SSTR5: variants seen among roughly 807,000 people sequenced by gnomAD.
SSTR5 encodes somatostatin receptor 5.
Under a neutral mutation model 0.3 loss-of-function variants are expected in SSTR5, and 1 was observed. The observed-to-expected ratio is 2.98, with a 90% CI of 1.06 to 14.15. SSTR5 has a LOEUF of 14.15. SSTR5 is among the 30% of genes most tolerant of loss of function. The pLI is 0.12. For synonymous variants in SSTR5, 256 were observed against 263.1 expected (o/e 0.97, Z 0.26); for missense variants, 516 against 543.2 (o/e 0.95, Z 0.50).
intron 1 of SSTR5, among the ~76,000 whole-genome samples, chr16:1,074,992 G>C (rs1424388016): frequency 6.6e-6 from 1 of 152,200 alleles, no homozygotes; most frequent in Non-Finnish European, 1.5e-5. Context: ...GCCATGTCAG[G>C]CTGAGCAGAT....
rs569923357 is a variant in SSTR5 at position 1,080,148 on chromosome 16, C to G, written c.*185C>G. 1 of 817,528 alleles carries G rather than the reference C, an allele frequency of 1.2e-6. No individual in the cohort carries two copies. The highest frequency in any genetic ancestry group is 2.8e-5 in the East Asian group (1 of 35,834). 50.6% of individuals were successfully genotyped at this position (817,528 alleles called of 1,614,324 possible). On this transcript the variant is annotated 3_prime_UTR_variant, in exon 2 of 2. Coordinates refer to ENST00000689027, the MANE Select transcript of SSTR5 (RefSeq NM_001172560.3). ...TCCCCACCGTGACCGACCATCCCCT[C>G]TAACCGTCTGCCACACAGCGGGGGC...
rs563370167 is a variant in SSTR5, at chr16:1,080,943, G to A, written c.*980G>A. ...GCTCTGGCCCGGGAGAGGGAACGGG[G>A]ACAGGAGCAGAGGACGGTCATCCAG... On this transcript the variant is annotated 3_prime_UTR_variant, in exon 2 of 2. Coordinates refer to ENST00000689027, the MANE Select transcript of SSTR5 (RefSeq NM_001172560.3). 6.0e-5 allele frequency: 26 copies of A among 431,230 alleles called. No homozygotes were observed. Among genetic ancestry groups the A allele is most frequent in the African/African-American group, 4.9e-4 (24 of 48,904 alleles). The allele number at this position is 431,230 out of a possible 1,614,324, so 26.7% of individuals were successfully genotyped here.
chr16:1,079,735 G>T lies in SSTR5; in HGVS notation c.867G>T (p.Val289=). Reference sequence around the variant, plus strand: ...CCTCCGCCGGCCTCTACTTCTTCGTGGTCATCCTCTCCTACGCCAACAGCT... The same window carrying T: ...CCTCCGCCGGCCTCTACTTCTTCGTTGTCATCCTCTCCTACGCCAACAGCT... ...EPASAGLYFF[V]VILSYANSCA... The change falls in exon 2 of 2, where the codon GTG becomes GTT. Residue 289 remains valine (V), a synonymous_variant. Coordinates refer to ENST00000689027, the MANE Select transcript of SSTR5 (RefSeq NM_001172560.3). 3 of 1,612,212 alleles carry T rather than the reference G, an allele frequency of 1.9e-6. No homozygotes were observed. Among genetic ancestry groups the T allele is most frequent in the Non-Finnish European group, 2.5e-6 (3 of 1,179,934 alleles).
rs1960353457 is a variant in SSTR5, at chr16:1,080,660, G to A, written c.*697G>A. ...AGGGGAGTGTGGGGGCTTGGGCGCTGGCCTAGCCAGGGGCGAGGTGGGGAG... is the reference window on the plus strand; with the variant it reads ...AGGGGAGTGTGGGGGCTTGGGCGCTAGCCTAGCCAGGGGCGAGGTGGGGAG... On this transcript the variant is annotated 3_prime_UTR_variant, in exon 2 of 2. Coordinates refer to ENST00000689027, the MANE Select transcript of SSTR5 (RefSeq NM_001172560.3). 6.6e-6 allele frequency among the ~76,000 whole-genome samples: 1 copy of A among 152,224 alleles called. No individual in the cohort carries two copies. The highest frequency in any genetic ancestry group is 1.5e-5 in the Non-Finnish European group (1 of 68,026).
At chr16:1,077,183 G>A (rs988624628) in intron 1 of SSTR5, among the ~76,000 whole-genome samples, 1 of 152,168 alleles carries the variant, frequency 6.6e-6, no homozygotes, top group Admixed American at 6.5e-5. Context: ...GTCGTCCTGT[G>A]CTCTGAGGTG....
chr16:1,076,230 A>G (rs1321622015), intron 1 of SSTR5, among the ~76,000 whole-genome samples: 1 of 212 alleles, frequency 4.7e-3, no homozygotes, highest in Non-Finnish European at 7.5e-3. Context: ...CCCATACCCT[A>G]TCTTTCTCTC....
chr16:1,077,785 G>T (rs918160912), intron 1 of SSTR5: 1 of 152,154 alleles, frequency 6.6e-6, no homozygotes, highest in Non-Finnish European at 1.5e-5. Flanking sequence ...AATATACGAG[G>T]TACACACGTG....
rs141754056 is a variant in SSTR5, at chr16:1,079,606, G to A, written c.738G>A (p.Val246=). ...TGCGGCGGCGCTCGGAGCGGAAGGT[G>A]ACGCGCATGGTGTTGGTGGTGGTGC... is the stretch of plus-strand genomic sequence containing the variant. ...GCVRRRSERK[V]TRMVLVVVLV... Residue 246 remains valine, a synonymous_variant, in exon 2 of 2, where the codon GTG becomes GTA. Transcript: ENST00000689027. The A allele has an allele frequency of 2.5e-6, 4 of 1,611,504 alleles. No individual in the cohort carries two copies. In the African/African-American group the frequency reaches 5.3e-5, roughly 22 times the overall value.
rs1002519548 is a variant in SSTR5 at position 1,081,297 on chromosome 16, G to A, written c.*1334G>A. The stretch of plus-strand genomic sequence containing the variant: ...GTGCTCCCGCCGTCTGCCCAGAGCA[G>A]GACCTCAACCTCCTGGAGGGCACAG... On this transcript the variant is annotated 3_prime_UTR_variant, in exon 2 of 2. Coordinates refer to ENST00000689027, the MANE Select transcript of SSTR5 (RefSeq NM_001172560.3). The A allele has an allele frequency of 1.1e-5, 4 of 362,446 alleles. No homozygotes were observed. Among genetic ancestry groups the A allele is most frequent in the Non-Finnish European group, 2.3e-5 (4 of 174,396 alleles). 22.5% of individuals were successfully genotyped at this position (362,446 alleles called of 1,614,324 possible). A position where few individuals can be genotyped will look rare whatever the true frequency, so the allele number is the denominator to read the frequency against.
rs1960288093 is a variant in SSTR5 at position 1,079,165 on chromosome 16, G to A, written c.297G>A (p.Gln99=). 1 of 1,612,638 alleles carries A rather than the reference G, an allele frequency of 6.2e-7. No homozygotes were observed. Among genetic ancestry groups the A allele is most frequent in the South Asian group, 1.1e-5 (1 of 91,082 alleles). ...TGGGGCTGCCTTTCCTGGCCACGCA[G>A]AACGCCGCGTCCTTCTGGCCCTTCG... The part of the protein sequence containing the change: ...YMLGLPFLAT[Q]NAASFWPFGP... The change falls in exon 2 of 2, where the codon CAG becomes CAA. Residue 99 remains glutamine (Q), a synonymous_variant. Transcript: ENST00000689027.
At chr16:1,077,255 T>A (rs1455390905) in intron 1 of SSTR5, among the ~76,000 whole-genome samples, 1 of 151,972 alleles carries the variant, frequency 6.6e-6, no homozygotes, top group East Asian at 1.9e-4. Flanking sequence ...CATGCTGAGG[T>A]CACCACAGCC....
chr16:1,078,460 G>C (rs1960261079), intron 1 of SSTR5: 2 of 216,688 alleles, frequency 9.2e-6, no homozygotes, highest in Admixed American at 1.0e-4. Context: ...CTCCTTACCT[G>C]GTAGACGAGG....
rs1960348761 is a variant in SSTR5, at chr16:1,080,520, G to T, written c.*557G>T. ...GTGGACTCTGGGGATGCAGGTGTAA[G>T]GGGAGTGTGGCTGGGCAGCCCCTGG... On this transcript the variant is annotated 3_prime_UTR_variant, in exon 2 of 2. Transcript: ENST00000689027. Among the ~76,000 whole-genome samples, 1 of 152,250 alleles carries T rather than the reference G, an allele frequency of 6.6e-6. No homozygotes were observed.
intron 1 of SSTR5, among the ~76,000 whole-genome samples, chr16:1,074,884 G>C (rs557553769): frequency 2.6e-4 from 40 of 152,336 alleles, no homozygotes; most frequent in African/African-American, 7.9e-4. Flanking sequence ...GTTTGCAGGA[G>C]TTGCCTATCC....
chr16:1,079,803 G>T lies in SSTR5; in HGVS notation c.935G>T (p.Arg312Leu), dbSNP rs202016166. 2.5e-6 allele frequency: 4 copies of T among 1,612,228 alleles called. No homozygotes were observed. Among genetic ancestry groups the T allele is most frequent in the East Asian group, 2.2e-5 (1 of 44,878 alleles). The change falls in exon 2 of 2, where the codon CGC becomes CTC. Residue 312 changes from arginine (R) to leucine (L), a missense_variant. Arg to Leu is a moderately radical substitution (Grantham distance 102, BLOSUM62 -2). Coordinates refer to ENST00000689027, the MANE Select transcript of SSTR5 (RefSeq NM_001172560.3). ...VLYGFLSDNF[R>L]QSFQKVLCLR... ...TACGGCTTCCTCTCTGACAACTTCCGCCAGAGCTTCCAGAAGGTTCTGTGC... is the reference window on the plus strand; with the variant it reads ...TACGGCTTCCTCTCTGACAACTTCCTCCAGAGCTTCCAGAAGGTTCTGTGC...
At chr16:1,073,761 T>C (rs606433) in intron 1 of SSTR5, among the ~76,000 whole-genome samples, 82,670 of 151,812 alleles carry the variant, frequency 0.54, 23,049 homozygotes, top group East Asian at 0.86. Context: ...ATGGTTCCAG[T>C]GAGGCTGAGC....
In SSTR5 at chr16:1,079,086, C is replaced by A; in HGVS notation, c.218C>A (p.Thr73Asn). The A allele has an allele frequency of 2.5e-6, 4 of 1,612,668 alleles. No homozygotes were observed. Among genetic ancestry groups the A allele is most frequent in the Non-Finnish European group, 3.4e-6 (4 of 1,179,932 alleles). Reference sequence around the variant, plus strand: ...GTGCTGCGCTTCGCCAAGATGAAGACCGTCACCAACATCTACATTCTCAAC... The same window carrying A: ...GTGCTGCGCTTCGCCAAGATGAAGAACGTCACCAACATCTACATTCTCAAC... ...YVVLRFAKMK[T>N]VTNIYILNLA... The change falls in exon 2 of 2, where the codon ACC (threonine) becomes AAC (asparagine). Residue 73 changes from threonine to asparagine, a missense_variant. Transcript: ENST00000689027.
In SSTR5 at chr16:1,080,674, C is replaced by T. The variant is rs1022876799; in HGVS notation, c.*711C>T. 3.9e-5 allele frequency among the ~76,000 whole-genome samples: 6 copies of T among 152,064 alleles called. No homozygotes were observed. Among genetic ancestry groups the T allele is most frequent in the Non-Finnish European group, 8.8e-5 (6 of 67,992 alleles). ...GCTTGGGCGCTGGCCTAGCCAGGGG[C>T]GAGGTGGGGAGGCGGCTGGTGCAGA... is the stretch of plus-strand genomic sequence containing the variant. On this transcript the variant is annotated 3_prime_UTR_variant, in exon 2 of 2. Transcript: ENST00000689027.
At position 1,081,066 on chromosome 16, in the gene SSTR5, C is replaced by T. The variant is rs769675988; in HGVS notation, c.*1103C>T. On this transcript the variant is annotated 3_prime_UTR_variant, in exon 2 of 2. Coordinates refer to ENST00000689027, the MANE Select transcript of SSTR5 (RefSeq NM_001172560.3). ...AAATGGCAGGCCCTGGGAATCCCGCCGCCTCCCACCTAGAATTGTCCTACC... is the reference window on the plus strand; with the variant it reads ...AAATGGCAGGCCCTGGGAATCCCGCTGCCTCCCACCTAGAATTGTCCTACC... The T allele has an allele frequency of 5.4e-4, 255 of 470,176 alleles. No homozygotes were observed. The highest frequency in any genetic ancestry group is 8.0e-4 in the Non-Finnish European group (182 of 226,680). The allele number at this position is 470,176 out of a possible 1,614,324, so 29.1% of individuals were successfully genotyped here.
Sources: gnomAD v4.1 joint callset for allele counts (sites outside exome capture counted in the v4.1 genomes callset) on GRCh38, gnomAD v4.1.1 for gene constraint, MANE v1.5 for transcripts, NCBI Gene and HGNC (gene_info 2026-07-23, HGNC 2026-07-21) for gene names.